Variants in CHCHD6 observed in about 807,000 individuals in gnomAD.
CHCHD6 encodes MICOS complex subunit MIC25.
Under a neutral mutation model 32.3 loss-of-function variants are expected in CHCHD6, and 28 were observed. That is an observed-to-expected ratio of 0.87 (90% CI 0.64 to 1.19). CHCHD6 has a LOEUF of 1.19. Ranked by LOEUF, CHCHD6 falls within the 50% of genes most tolerant of loss-of-function variation. The pLI, the probability that CHCHD6 is intolerant of heterozygous loss-of-function variation, is 0.00. For missense variants in CHCHD6, 333 were observed against 307.0 expected, an observed-to-expected ratio of 1.08 and a Z score of -0.63; for synonymous variants, 122 against 117.5, an observed-to-expected ratio of 1.04 and a Z score of -0.25.
chr3:126,818,981 C>A (rs949928996), intron 4 of CHCHD6, among the ~76,000 whole-genome samples: 24 of 152,308 alleles, frequency 1.6e-4, no homozygotes, highest in African/African-American at 5.8e-4. Flanking sequence ...AGCAGGTCAG[C>A]TTGAAGCTGC....
chr3:126,784,897 G>A (rs1221334995), intron 4 of CHCHD6, among the ~76,000 whole-genome samples: 2 of 151,684 alleles, frequency 1.3e-5, no homozygotes, highest in African/African-American at 4.8e-5. Context: ...CCTCCCTATT[G>A]ATTCCTTTTC....
chr3:126,886,382 C>G (rs1025175459), intron 5 of CHCHD6, among the ~76,000 whole-genome samples: 2 of 152,192 alleles, frequency 1.3e-5, no homozygotes, highest in Admixed American at 6.5e-5. Flanking sequence ...CCCCTCTCCC[C>G]CTTCCAGGAC....
intron 5 of CHCHD6, among the ~76,000 whole-genome samples, chr3:126,899,569 A>G (rs948156463): frequency 1.1e-4 from 17 of 152,210 alleles, no homozygotes; most frequent in Non-Finnish European, 2.2e-4. Flanking sequence ...TACATACACC[A>G]TCCTCCTCTC....
chr3:126,750,201 T>C (rs1470024990), intron 4 of CHCHD6, among the ~76,000 whole-genome samples: 1 of 152,206 alleles, frequency 6.6e-6, no homozygotes, highest in Non-Finnish European at 1.5e-5. Context: ...TGCTGTCAAT[T>C]CTGCCCAGAC....
At chr3:126,827,052 T>TAACAA (rs1940425933) in intron 4 of CHCHD6, among the ~76,000 whole-genome samples, 1 of 152,132 alleles carries the variant, frequency 6.6e-6, no homozygotes, top group Non-Finnish European at 1.5e-5. Flanking sequence ...GAAGCTATGG[T>TAACAA]GTGCCAGGAG....
intron 4 of CHCHD6, among the ~76,000 whole-genome samples, chr3:126,733,686 G>C (rs11706899): frequency 0.091 from 13,877 of 152,260 alleles, 813 homozygotes; most frequent in Middle Eastern, 0.21. Flanking sequence ...CTTGAAGTTC[G>C]TGATGTTTAC....
At chr3:126,862,449 C>T (rs1467948759) in intron 5 of CHCHD6, among the ~76,000 whole-genome samples, 2 of 135,930 alleles carry the variant, frequency 1.5e-5, no homozygotes, top group African/African-American at 2.8e-5. Flanking sequence ...CCACCATCAC[C>T]ACCTCCTCCT....
chr3:126,869,875 C>A (rs2077441800), intron 5 of CHCHD6, among the ~76,000 whole-genome samples: 2 of 152,132 alleles, frequency 1.3e-5, no homozygotes, highest in Non-Finnish European at 2.9e-5. Context: ...TTATTTATTA[C>A]CAATTAAGCA....
chr3:126,960,070 G>C, intron 7 of CHCHD6, 126 bp from the exon 8 acceptor site: 1 of 1,105,678 alleles, frequency 9.0e-7, no homozygotes, highest in Non-Finnish European at 1.3e-6. Context: ...GGGTCTCCAG[G>C]TGAGGAGGGA....
intron 4 of CHCHD6, among the ~76,000 whole-genome samples, chr3:126,734,308 C>A (rs1023806325): frequency 6.6e-6 from 1 of 152,134 alleles, no homozygotes; most frequent in Non-Finnish European, 1.5e-5. Context: ...TGGCTGTGGG[C>A]GGCATCTAAT....
intron 4 of CHCHD6, among the ~76,000 whole-genome samples, chr3:126,785,780 C>A (rs1375525859): frequency 6.6e-6 from 1 of 151,988 alleles, no homozygotes; most frequent in Admixed American, 6.6e-5. Context: ...AATTTTTCCT[C>A]CCCCCAGCCC....
chr3:126,890,137 G>A (rs1477192857), intron 5 of CHCHD6, among the ~76,000 whole-genome samples: 7 of 152,236 alleles, frequency 4.6e-5, no homozygotes, highest in African/African-American at 7.2e-5. Flanking sequence ...TGTGCCAGCC[G>A]CCTGGAAAGT....
At chr3:126,732,000 G>A (rs1437628941) in intron 3 of CHCHD6, among the ~76,000 whole-genome samples, 1 of 148,718 alleles carries the variant, frequency 6.7e-6, no homozygotes, top group Non-Finnish European at 1.5e-5. Context: ...GATTGCTTGA[G>A]CCCAGAAGTT....
At chr3:126,737,410 A>G (rs1392102308) in intron 4 of CHCHD6, among the ~76,000 whole-genome samples, 1 of 148,240 alleles carries the variant, frequency 6.7e-6, no homozygotes, top group Non-Finnish European at 1.5e-5. Flanking sequence ...ATATATATAT[A>G]TATATATATG....
At chr3:126,716,525 GA>G in intron 1 of CHCHD6, among the ~76,000 whole-genome samples, 1 of 152,144 alleles carries the variant, frequency 6.6e-6, no homozygotes, top group South Asian at 2.1e-4. Flanking sequence ...TCTTTGAGTA[GA>G]AGGGTCATGG....
chr3:126,951,015 T>C (rs1359418001), intron 6 of CHCHD6, among the ~76,000 whole-genome samples: 1 of 152,216 alleles, frequency 6.6e-6, no homozygotes, highest in Non-Finnish European at 1.5e-5. Context: ...ATTGATATGG[T>C]TTGGCTGTTT....
rs1291059274 is a variant in CHCHD6, at chr3:126,957,410, C to A, written c.567-6C>A. On this transcript the variant is annotated splice_region_variant and splice_polypyrimidine_tract_variant and intron_variant, in intron 6 of 7. Transcript: ENST00000290913. ...CCCCAGGCCTGCCTGCTCTTGTCTT[C>A]TGCAGGCCCCGCAGGGTGGAGCCCG... 1 of 1,609,558 alleles carries A rather than the reference C, an allele frequency of 6.2e-7. No individual in the cohort carries two copies. Among genetic ancestry groups the A allele is most frequent in the Admixed American group, 1.7e-5 (1 of 59,784 alleles).
intron 4 of CHCHD6, among the ~76,000 whole-genome samples, chr3:126,808,724 A>G (rs899672075): frequency 2.0e-5 from 3 of 152,172 alleles, no homozygotes; most frequent in African/African-American, 4.8e-5. Context: ...AAGGAGCCAA[A>G]TCAGGACTGT....
At chr3:126,886,702 G>A (rs942659531) in intron 5 of CHCHD6, among the ~76,000 whole-genome samples, 3 of 152,280 alleles carry the variant, frequency 2.0e-5, no homozygotes, top group Admixed American at 1.3e-4. Context: ...CAGAGGAATC[G>A]AAGGAAGAAG....
Sources: allele counts gnomAD v4.1 joint callset (sites outside exome capture counted in the v4.1 genomes callset), GRCh38; gene constraint gnomAD v4.1.1; transcripts MANE v1.5; gene names NCBI Gene and HGNC (gene_info 2026-07-23, HGNC 2026-07-21).